PIK3C3: variants seen among roughly 807,000 people sequenced by gnomAD.
PIK3C3 encodes phosphatidylinositol 3-kinase catalytic subunit type 3.
In PIK3C3, 95 loss-of-function variants were observed where a neutral mutation model predicts 126.1. The observed-to-expected ratio is 0.75, with a 90% CI of 0.64 to 0.89. The LOEUF is 0.89. PIK3C3 is among the 40% of genes least tolerant of loss of function. PIK3C3 has a pLI of 0.00. For synonymous variants in PIK3C3, 374 were observed against 360.0 expected (o/e 1.04, Z -0.44); for missense variants, 829 against 1,063.2 (o/e 0.78, Z 3.06).
rs563007934 is a variant in PIK3C3 at position 41,978,410 on chromosome 18, C to T, written c.531+7954C>T. 4.6e-5 allele frequency among the ~76,000 whole-genome samples: 7 copies of T among 152,266 alleles called. No homozygotes were observed. In the South Asian group the frequency reaches 6.2e-4, roughly 14 times the overall value. Reference sequence around the variant, plus strand: ...CAAGTTAGGGATATGTCAGTTCTCACAAAGTTTGAGAAAGGCAAGATGTTC... The same window carrying T: ...CAAGTTAGGGATATGTCAGTTCTCATAAAGTTTGAGAAAGGCAAGATGTTC... On this transcript the variant is annotated intron_variant, in intron 4 of 24. Coordinates refer to ENST00000262039, the MANE Select transcript of PIK3C3 (RefSeq NM_002647.4).
At chr18:42,008,024 A>G (rs1019868274) in intron 10 of PIK3C3, among the ~76,000 whole-genome samples, 28 of 152,110 alleles carry the variant, frequency 1.8e-4, no homozygotes, top group Admixed American at 9.2e-4. Flanking sequence ...TATATTATCA[A>G]ACACGCTTTT....
intron 15 of PIK3C3, among the ~76,000 whole-genome samples, chr18:42,031,392 A>T (rs1015171641): frequency 2.0e-5 from 3 of 152,136 alleles, no homozygotes; most frequent in Non-Finnish European, 2.9e-5. Flanking sequence ...CAGTCTACAT[A>T]TTTGAATTCT....
intron 4 of PIK3C3, among the ~76,000 whole-genome samples, chr18:41,975,320 AAT>A (rs1187551846): frequency 6.6e-6 from 1 of 152,234 alleles, no homozygotes; most frequent in African/African-American, 2.4e-5. Context: ...CGCATGTAGC[AAT>A]TTAGATTTAG....
chr18:42,044,474 G>A (rs1482856946), intron 20 of PIK3C3, among the ~76,000 whole-genome samples: 1 of 151,702 alleles, frequency 6.6e-6, no homozygotes, highest in South Asian at 2.1e-4. Flanking sequence ...GTGCAGTGGC[G>A]CAATCACAGC....
At chr18:42,058,114 A>C (rs1300935774) in intron 22 of PIK3C3, 63 bp downstream of exon 22, 1 of 1,366,044 alleles carries the variant, frequency 7.3e-7, no homozygotes, top group Admixed American at 2.6e-5. Context: ...AGAACAAGAG[A>C]ATTTGTTTAA....
chr18:42,076,684 T>A (rs1598963107), intron 24 of PIK3C3, among the ~76,000 whole-genome samples: 1 of 152,190 alleles, frequency 6.6e-6, no homozygotes, highest in Non-Finnish European at 1.5e-5. Flanking sequence ...ATAGCAAGAG[T>A]CAGCAGAATG....
rs11541481 is a variant in PIK3C3, at chr18:42,029,375, A to G, written c.1641A>G (p.Thr547=). 6 of 1,613,900 alleles carry G rather than the reference A, an allele frequency of 3.7e-6. No individual in the cohort carries two copies. The highest frequency in any genetic ancestry group is 3.3e-4 in the Middle Eastern group (2 of 6,062). ...GTTCTTTGCTGGCTGCACAACAGAC[A>G]TTTGTAGATCGGTTGGTGCATCTAA... is the stretch of plus-strand genomic sequence containing the variant. The part of the protein sequence containing the change: ...VMRSLLAAQQ[T]FVDRLVHLMK... The change falls in exon 15 of 25, where the codon ACA becomes ACG. Residue 547 remains threonine (T), a synonymous_variant. Transcript: ENST00000262039.
At chr18:42,005,436 T>G (rs973746439) in intron 10 of PIK3C3, among the ~76,000 whole-genome samples, 1 of 152,214 alleles carries the variant, frequency 6.6e-6, no homozygotes, top group Non-Finnish European at 1.5e-5. Context: ...TGACTGTTCA[T>G]GTAAGGCCAT....
At chr18:42,048,374 C>G (rs1225666324) in intron 20 of PIK3C3, among the ~76,000 whole-genome samples, 6 of 152,192 alleles carry the variant, frequency 3.9e-5, no homozygotes, top group Non-Finnish European at 8.8e-5. Context: ...GGGCTAACCT[C>G]CTAGCTGAGT....
intron 9 of PIK3C3, among the ~76,000 whole-genome samples, chr18:42,001,407 T>C (rs1284912351): frequency 6.6e-6 from 1 of 152,190 alleles, no homozygotes; most frequent in Admixed American, 6.5e-5. Flanking sequence ...GCCTGTGCTC[T>C]CCAGTAATCT....
Position 42,057,944 on chromosome 18 carries a change from A to T in PIK3C3, c.2325A>T (p.Pro775=). Residue 775 remains proline (P), a synonymous_variant, in exon 22 of 25, where the codon CCA becomes CCT. Coordinates refer to ENST00000262039, the MANE Select transcript of PIK3C3 (RefSeq NM_002647.4). ...GTCGGGATCCAAAGCCTCTTCCTCCACCAATGAAGCTGAATAAAGAAATGG... is the reference window on the plus strand; with the variant it reads ...GTCGGGATCCAAAGCCTCTTCCTCCTCCAATGAAGCTGAATAAAGAAATGG... ...ILGRDPKPLP[P]PMKLNKEMVE... is the part of the protein sequence containing the mutation. 1.9e-6 allele frequency: 3 copies of T among 1,613,750 alleles called. No individual in the cohort carries two copies. Among genetic ancestry groups the T allele is most frequent in the Non-Finnish European group, 2.5e-6 (3 of 1,179,780 alleles).
chr18:42,001,986 A>G (rs2144377218), intron 9 of PIK3C3, among the ~76,000 whole-genome samples: 2 of 152,330 alleles, frequency 1.3e-5, no homozygotes, highest in Middle Eastern at 3.4e-3. Flanking sequence ...ATTATACTAA[A>G]TGGTGTGCAG....
intron 5 of PIK3C3, among the ~76,000 whole-genome samples, chr18:41,988,149 A>G (rs960388208): frequency 4.6e-5 from 7 of 152,292 alleles, no homozygotes; most frequent in South Asian, 4.1e-4. Context: ...AGTGAAGCCT[A>G]TGCAGACTTA....
Position 42,004,240 on chromosome 18 carries a change from G to T in PIK3C3, c.985-116G>T, listed in dbSNP as rs193089722. 5.8e-6 allele frequency: 4 copies of T among 689,726 alleles called. No individual in the cohort carries two copies. The East Asian group carries it at 8.1e-5, about 14-fold the overall frequency. 42.7% of individuals were successfully genotyped at this position (689,726 alleles called of 1,614,324 possible). On this transcript the variant is annotated intron_variant, in intron 9 of 24. Coordinates refer to ENST00000262039, the MANE Select transcript of PIK3C3 (RefSeq NM_002647.4). The stretch of plus-strand genomic sequence containing the variant: ...TAACTTCATTTAGTGCTTACACAAG[G>T]AGTCTATCACTGACTCCGTGGCTCT...
intron 2 of PIK3C3, among the ~76,000 whole-genome samples, chr18:41,961,173 A>G (rs541700496): frequency 1.3e-5 from 2 of 152,302 alleles, no homozygotes; most frequent in East Asian, 3.9e-4. Flanking sequence ...TAAAGGACAG[A>G]ATACAGAATA....
intron 6 of PIK3C3, among the ~76,000 whole-genome samples, chr18:41,991,014 A>G (rs1981749492): frequency 6.6e-6 from 1 of 152,158 alleles, no homozygotes; most frequent in African/African-American, 2.4e-5. Context: ...AGAAATGTCC[A>G]TTTGTACAAT....
chr18:42,057,440 GTAA>G (rs796748408), intron 21 of PIK3C3, among the ~76,000 whole-genome samples: 3 of 151,892 alleles, frequency 2.0e-5, no homozygotes, highest in Non-Finnish European at 4.4e-5. Context: ...TTTTTTTTGA[GTAA>G]TAATAAGTTA....
chr18:42,019,608 T>A (rs1044241107), intron 12 of PIK3C3, among the ~76,000 whole-genome samples: 2 of 152,140 alleles, frequency 1.3e-5, no homozygotes, highest in Non-Finnish European at 2.9e-5. Flanking sequence ...CACTTTCCTC[T>A]CTCCTTGATA....
At position 42,055,510 on chromosome 18, in the gene PIK3C3, G is replaced by T. The variant is rs76984499; in HGVS notation, c.2264-2373G>T. On this transcript the variant is annotated intron_variant, in intron 21 of 24. Coordinates refer to ENST00000262039, the MANE Select transcript of PIK3C3 (RefSeq NM_002647.4). ...TTCTGTATTTCTAGGTTTAGTGATA[G>T]GGCAGTAGGAAAGATACGACATTCA... Among the ~76,000 whole-genome samples, 48 of 152,056 alleles carry T rather than the reference G, an allele frequency of 3.2e-4. No homozygotes were observed. In the East Asian group the frequency reaches 9.1e-3, roughly 29 times the overall value.
Sources: gnomAD v4.1 joint callset for allele counts (sites outside exome capture counted in the v4.1 genomes callset) on GRCh38, gnomAD v4.1.1 for gene constraint, MANE v1.5 for transcripts, NCBI Gene and HGNC (gene_info 2026-07-23, HGNC 2026-07-21) for gene names.